FBXL7: variants seen among roughly 807,000 people sequenced by gnomAD.
FBXL7 encodes F-box and leucine rich repeat protein 7.
FBXL7 carries 12 observed loss-of-function variants against 38.3 expected under a neutral mutation model. The ratio of observed to expected loss-of-function variants is 0.31; its 90% CI spans 0.20 to 0.51. FBXL7 has a LOEUF of 0.51. FBXL7 is among the 20% of genes least tolerant of loss of function. The pLI, the probability that FBXL7 is intolerant of heterozygous loss-of-function variation, is 0.98. For missense variants in FBXL7, 567 were observed against 676.4 expected (o/e 0.84, Z 1.79); for synonymous variants, 297 against 300.9 (o/e 0.99, Z 0.13).
chr5:15,598,149 T>G (rs149962788), intron 1 of FBXL7, among the ~76,000 whole-genome samples: 286 of 152,304 alleles, frequency 1.9e-3, no homozygotes, highest in African/African-American at 6.7e-3. Flanking sequence ...GAAGCTGAAT[T>G]AAAGTTTTTC....
In FBXL7 at chr5:15,750,050, T is replaced by C. The variant is rs1736116288; in HGVS notation, c.127+133978T>C. 2.6e-5 allele frequency among the ~76,000 whole-genome samples: 4 copies of C among 152,202 alleles called. No individual in the cohort carries two copies. In the South Asian group the frequency reaches 8.3e-4, roughly 31 times the overall value. On this transcript the variant is annotated intron_variant, in intron 2 of 3. Coordinates refer to ENST00000504595, the MANE Select transcript of FBXL7 (RefSeq NM_012304.5). ...ATGCTTCAGCCTGGCTTGAGTAATA[T>C]CTTTGAGATGAGGATTCTGTTTCGT...
intron 1 of FBXL7, among the ~76,000 whole-genome samples, chr5:15,592,413 T>C (rs1739507195): frequency 6.6e-6 from 1 of 152,128 alleles, no homozygotes; most frequent in Non-Finnish European, 1.5e-5. Context: ...ACCTTGAAAA[T>C]AGAGAGCTTA....
At position 15,819,749 on chromosome 5, in the gene FBXL7, G is replaced by A. The variant is rs1738121479; in HGVS notation, c.128-108141G>A. On this transcript the variant is annotated intron_variant, in intron 2 of 3. Coordinates refer to ENST00000504595, the MANE Select transcript of FBXL7 (RefSeq NM_012304.5). ...CGTTAGGACATCTAAGCAGCCCCAA[G>A]AGGACACACCTGTGGCCACCAGCCC... Among the ~76,000 whole-genome samples the A allele has an allele frequency of 2.0e-5, 3 of 152,300 alleles. No individual in the cohort carries two copies. The South Asian group carries it at 6.2e-4, about 32-fold the overall frequency.
At chr5:15,523,369 T>C (rs544523222) in intron 1 of FBXL7, among the ~76,000 whole-genome samples, 92 of 152,168 alleles carry the variant, frequency 6.0e-4, no homozygotes, top group African/African-American at 2.2e-3. Context: ...CCATCCTGGC[T>C]AACACGGTGA....
At chr5:15,859,120 T>A (rs1739363052) in intron 2 of FBXL7, among the ~76,000 whole-genome samples, 4 of 152,192 alleles carry the variant, frequency 2.6e-5, no homozygotes, top group Non-Finnish European at 5.9e-5. Context: ...GTGAAGTAGA[T>A]GATGCAGTGA....
chr5:15,921,829 A>G lies in FBXL7; in HGVS notation c.128-6061A>G, dbSNP rs1363435714. On this transcript the variant is annotated intron_variant, in intron 2 of 3. Coordinates refer to ENST00000504595, the MANE Select transcript of FBXL7 (RefSeq NM_012304.5). Reference sequence around the variant, plus strand: ...ACACGTGTTAGGAGATCTGTTATCAAAAAGACAAGAGATAATAAGTGTGAC... The same window carrying G: ...ACACGTGTTAGGAGATCTGTTATCAGAAAGACAAGAGATAATAAGTGTGAC... Among the ~76,000 whole-genome samples the G allele has an allele frequency of 2.6e-5, 4 of 152,226 alleles. No homozygotes were observed. In the East Asian group the frequency reaches 5.8e-4, roughly 22 times the overall value.
intron 2 of FBXL7, among the ~76,000 whole-genome samples, chr5:15,657,255 A>G (rs1234841312): frequency 6.6e-6 from 1 of 152,198 alleles, no homozygotes; most frequent in Non-Finnish European, 1.5e-5. Context: ...AAGAATAAAC[A>G]CATGAAAATT....
At chr5:15,643,908 T>A (rs1039290935) in intron 2 of FBXL7, among the ~76,000 whole-genome samples, 3 of 152,144 alleles carry the variant, frequency 2.0e-5, no homozygotes, top group African/African-American at 4.8e-5. Context: ...TGCTTAGATG[T>A]GTGTCTGACT....
rs74329066 is a variant in FBXL7, at chr5:15,923,730, G to A, written c.128-4160G>A. On this transcript the variant is annotated intron_variant, in intron 2 of 3. Transcript: ENST00000504595. Reference sequence around the variant, plus strand: ...TCCCTGAGGTTGTTGGCCTGCTGTAGGAATAGCAGGAAGGAATCAGAGACT... The same window carrying A: ...TCCCTGAGGTTGTTGGCCTGCTGTAAGAATAGCAGGAAGGAATCAGAGACT... Among the ~76,000 whole-genome samples, 382 of 152,172 alleles carry A rather than the reference G, an allele frequency of 2.5e-3. 1 individual carries two copies. Among genetic ancestry groups the A allele is most frequent in the African/African-American group, 8.8e-3 (365 of 41,508 alleles).
At chr5:15,919,385 A>T (rs1023707786) in intron 2 of FBXL7, among the ~76,000 whole-genome samples, 3 of 152,102 alleles carry the variant, frequency 2.0e-5, no homozygotes, top group Non-Finnish European at 4.4e-5. Flanking sequence ...ATTACTAACG[A>T]TATAAAATTT....
chr5:15,676,471 CA>C (rs1199887173), intron 2 of FBXL7, among the ~76,000 whole-genome samples: 1 of 152,204 alleles, frequency 6.6e-6, no homozygotes, highest in Non-Finnish European at 1.5e-5. Context: ...AAAACATCTG[CA>C]AAGGTTTTTG....
At chr5:15,550,728 C>T (rs1257761729) in intron 1 of FBXL7, among the ~76,000 whole-genome samples, 2 of 152,238 alleles carry the variant, frequency 1.3e-5, no homozygotes, top group African/African-American at 4.8e-5. Context: ...CTCTTTGTGG[C>T]AACCCAAGTT....
At chr5:15,864,939 T>C (rs1739641474) in intron 2 of FBXL7, among the ~76,000 whole-genome samples, 1 of 152,220 alleles carries the variant, frequency 6.6e-6, no homozygotes. Flanking sequence ...GGTCTGGTAT[T>C]GTCTTCCTTT....
At chr5:15,849,625 G>A (rs919538469) in intron 2 of FBXL7, among the ~76,000 whole-genome samples, 4 of 152,194 alleles carry the variant, frequency 2.6e-5, no homozygotes, top group East Asian at 1.9e-4. Context: ...CCCCAGCCAT[G>A]TGGAACTGTG....
At chr5:15,612,794 T>C (rs1171736727) in intron 1 of FBXL7, among the ~76,000 whole-genome samples, 2 of 152,076 alleles carry the variant, frequency 1.3e-5, no homozygotes, top group African/African-American at 4.8e-5. Flanking sequence ...TAGAGGAAAG[T>C]GATATGCAGG....
intron 2 of FBXL7, among the ~76,000 whole-genome samples, chr5:15,750,772 C>T (rs1015669): frequency 0.23 from 35,242 of 151,974 alleles, 4,261 homozygotes; most frequent in East Asian, 0.44. Flanking sequence ...ACCACCATCA[C>T]TATCCCTAAC....
chr5:15,867,363 C>T (rs1327737566), intron 2 of FBXL7, among the ~76,000 whole-genome samples: 1 of 152,182 alleles, frequency 6.6e-6, no homozygotes, highest in African/African-American at 2.4e-5. Flanking sequence ...AAACACACGT[C>T]CTACAGAAAG....
At chr5:15,686,555 CTT>C (rs1743022783) in intron 2 of FBXL7, among the ~76,000 whole-genome samples, 1 of 152,144 alleles carries the variant, frequency 6.6e-6, no homozygotes, top group African/African-American at 2.4e-5. Flanking sequence ...ATTCCTGAAC[CTT>C]TCTCTCTGTA....
At position 15,928,124 on chromosome 5, in the gene FBXL7, C is replaced by G. The variant is rs763508230; in HGVS notation, c.362C>G (p.Ser121Cys). The G allele has an allele frequency of 1.2e-6, 2 of 1,611,850 alleles. No individual in the cohort carries two copies. The highest frequency in any genetic ancestry group is 1.7e-6 in the Non-Finnish European group (2 of 1,179,310). ...AGCATAGACCGGCTCCCGGACCACTCCATGGTGCAGATCTTCTCCTTCCTG... is the reference window on the plus strand; with the variant it reads ...AGCATAGACCGGCTCCCGGACCACTGCATGGTGCAGATCTTCTCCTTCCTG... ...QASIDRLPDH[S>C]MVQIFSFLPT... The change falls in exon 3 of 4, where the codon TCC becomes TGC. Residue 121 changes from serine to cysteine, a missense_variant. Physicochemically the swap from Ser to Cys is moderately radical, Grantham distance 112. Coordinates refer to ENST00000504595, the MANE Select transcript of FBXL7 (RefSeq NM_012304.5). The surrounding 1 kb of genome is among the most constrained non-coding windows in gnomAD (Gnocchi z 4.0).
Sources: allele counts gnomAD v4.1 joint callset (sites outside exome capture counted in the v4.1 genomes callset), GRCh38; gene constraint gnomAD v4.1.1; non-coding constraint Gnocchi (gnomAD v3.1); transcripts MANE v1.5; gene names NCBI Gene and HGNC (gene_info 2026-07-23, HGNC 2026-07-21).